The following DMTN variants were observed in gnomAD, a reference collection of about 807,000 sequenced individuals.
The protein encoded by DMTN is dematin.
In DMTN, 27 loss-of-function variants were observed where a neutral mutation model predicts 59.4. The observed-to-expected ratio is 0.45, with a 90% CI of 0.33 to 0.63. The LOEUF is 0.63. Ranked by LOEUF, DMTN falls within the 20% of genes least tolerant of loss-of-function variation. The pLI is 0.02. For missense variants in DMTN, 451 were observed against 528.9 expected (o/e 0.85, Z 1.45); for synonymous variants, 221 against 203.7 (o/e 1.08, Z -0.72).
At chr8:22,049,187 C>T (rs1229081683), upstream of DMTN, 4 of 149,236 alleles carry the variant, frequency 2.7e-5, no homozygotes, top group Non-Finnish European at 6.0e-5. Flanking sequence ...CCGCGGACGC[C>T]AGGAGCCTCC....
upstream of DMTN, chr8:22,054,744 C>T: frequency 6.6e-6 from 1 of 152,628 alleles, no homozygotes; most frequent in Non-Finnish European, 1.5e-5. Flanking sequence ...TCACTGGGCA[C>T]CCTAGCTCCT....
At chr8:22,069,649 A>G (rs1585945670) in intron 6 of DMTN, 131 bp downstream of exon 6, 2 of 910,982 alleles carry the variant, frequency 2.2e-6, no homozygotes, top group East Asian at 5.2e-5. Flanking sequence ...CCAGGAGGCC[A>G]GGACCCCTCC....
intron 10 of DMTN, among the ~76,000 whole-genome samples, chr8:22,075,298 C>CCCTCCTCCT (rs145121822): frequency 6.6e-6 from 1 of 150,440 alleles, no homozygotes; most frequent in Admixed American, 6.6e-5. Context: ...GGGAGCTAGA[C>CCCTCCTCCT]CCTCCTCCTC....
chr8:22,074,895 AG>A (rs1210001682), intron 10 of DMTN, among the ~76,000 whole-genome samples: 2 of 152,140 alleles, frequency 1.3e-5, no homozygotes, highest in East Asian at 3.9e-4. Flanking sequence ...AGCCTCTTAA[AG>A]CCTAAGAGGG....
Position 22,065,678 on chromosome 8 carries a change from A to G in DMTN, c.-171-1027A>G, listed in dbSNP as rs1377282667. ...GCCGATATGGTGAAACCCCATCGCT[A>G]CTGAAAATACAAAAATTAGCCAGGC... On this transcript the variant is annotated intron_variant, in intron 1 of 15. Coordinates refer to ENST00000358242, the MANE Select transcript of DMTN (RefSeq NM_001387751.1). Among the ~76,000 whole-genome samples the G allele has an allele frequency of 1.1e-4, 16 of 152,198 alleles. No individual in the cohort carries two copies. The South Asian group carries it at 1.7e-3, about 16-fold the overall frequency.
intron 2 of DMTN, 21 bp downstream of exon 2, chr8:22,066,914 C>A: frequency 8.0e-7 from 1 of 1,244,444 alleles, no homozygotes; most frequent in Non-Finnish European, 1.0e-6. Flanking sequence ...CCGCCCCGGG[C>A]CGGGGCCGCC....
chr8:22,074,960 G>A (rs1818547060), intron 10 of DMTN, among the ~76,000 whole-genome samples: 1 of 151,922 alleles, frequency 6.6e-6, no homozygotes, highest in Non-Finnish European at 1.5e-5. Context: ...AGGCCGAGGC[G>A]GGCGGATCAC....
At chr8:22,073,051 C>T (rs1816948839) in intron 9 of DMTN, among the ~76,000 whole-genome samples, 1 of 152,214 alleles carries the variant, frequency 6.6e-6, no homozygotes, top group Non-Finnish European at 1.5e-5. Flanking sequence ...GCATGGGCTA[C>T]AGGCCTCCAG....
chr8:22,073,630 CAAAAAAAA>C (rs143269534), intron 9 of DMTN, 92 bp from the exon 10 acceptor site: 7,844 of 593,480 alleles, frequency 0.013, no homozygotes, highest in East Asian at 0.021. Context: ...GACCCTGTCT[CAAAAAAAA>C]AAAAAAAAAA....
chr8:22,079,265 A>ATATATATATATAT (rs1822177121), intron 10 of DMTN, among the ~76,000 whole-genome samples: 2 of 19,620 alleles, frequency 1.0e-4, no homozygotes, highest in African/African-American at 2.5e-4. Flanking sequence ...AAAATAAATA[A>ATATATATATATAT]ATAAATAAAT....
rs556573281 is a variant in DMTN at position 22,080,552 on chromosome 8, G to A, written c.950-66G>A. On this transcript the variant is annotated intron_variant, in intron 12 of 15. Transcript: ENST00000358242. ...TCTGGGCTGTGGGCAGGGGTCTGGT[G>A]AGGTCAGGCGTGTTGGCCTGCTGAC... 7.3e-5 allele frequency: 117 copies of A among 1,613,728 alleles called. 1 individual carries two copies. In the African/African-American group the frequency reaches 1.5e-3, roughly 20 times the overall value.
chr8:22,078,669 T>C (rs1821540483), intron 10 of DMTN, among the ~76,000 whole-genome samples: 1 of 151,892 alleles, frequency 6.6e-6, no homozygotes, highest in Non-Finnish European at 1.5e-5. Context: ...CTTCAGAATT[T>C]AGAGATCCTA....
rs995604921 is a variant in DMTN at position 22,068,999 on chromosome 8, C to T, written c.250-17C>T. 5 of 1,612,100 alleles carry T rather than the reference C, an allele frequency of 3.1e-6. No individual in the cohort carries two copies. Among genetic ancestry groups the T allele is most frequent in the Admixed American group, 1.7e-5 (1 of 59,874 alleles). ...ATCTGCCCCTGTAGCTCTGACCAGC[C>T]CCCTCTCCATTCACAGCGCTCGCTG... On this transcript the variant is annotated splice_polypyrimidine_tract_variant and intron_variant, in intron 4 of 15. Transcript: ENST00000358242.
chr8:22,054,103 TACACACACAC>T (rs71916677), upstream of DMTN, among the ~76,000 whole-genome samples: 5 of 148,344 alleles, frequency 3.4e-5, no homozygotes, highest in Non-Finnish European at 7.5e-5. Flanking sequence ...CCACCACCAA[TACACACACAC>T]ACACACACAC....
intron 7 of DMTN, 73 bp downstream of exon 7, chr8:22,070,010 C>G: frequency 6.3e-7 from 1 of 1,596,608 alleles, no homozygotes; most frequent in Non-Finnish European, 8.6e-7. Flanking sequence ...GGGCTGCGGG[C>G]TGGCTGGAGG....
intron 6 of DMTN, 26 bp from the exon 7 acceptor site, chr8:22,069,855 C>T (rs1018725844): frequency 1.2e-6 from 2 of 1,613,218 alleles, no homozygotes; most frequent in Non-Finnish European, 8.5e-7. Context: ...GCATGTCCTC[C>T]TCCTCATCTG....
intron 2 of DMTN, 39 bp downstream of exon 2, chr8:22,066,932 G>T: frequency 8.1e-7 from 1 of 1,238,296 alleles, no homozygotes; most frequent in East Asian, 3.3e-5. Flanking sequence ...GCCGAGGGCG[G>T]GTGGGGGCCG....
chr8:22,057,540 A>T (rs1803350009), intron 1 of DMTN, among the ~76,000 whole-genome samples: 1 of 152,026 alleles, frequency 6.6e-6, no homozygotes, highest in Admixed American at 6.5e-5. Flanking sequence ...TGGGGGTTGG[A>T]GCAGTACATT....
intron 5 of DMTN, 36 bp downstream of exon 5, chr8:22,069,096 T>G (rs1813092256): frequency 6.2e-7 from 1 of 1,601,056 alleles, no homozygotes; most frequent in South Asian, 1.1e-5. Context: ...TGCCCTGCCC[T>G]GCCCTGAAGG....
Sources: allele counts gnomAD v4.1 joint callset (sites outside exome capture counted in the v4.1 genomes callset), GRCh38; gene constraint gnomAD v4.1.1; transcripts MANE v1.5; gene names NCBI Gene and HGNC (gene_info 2026-07-23, HGNC 2026-07-21).